CDC14B: variants seen among roughly 807,000 people sequenced by gnomAD.
CDC14B encodes the protein dual specificity protein phosphatase CDC14B.
A neutral mutation model predicts 64.2 loss-of-function variants in CDC14B; 22 were observed. The observed-to-expected ratio is 0.34, with a 90% CI of 0.24 to 0.49. CDC14B has a LOEUF of 0.49. Among genes scored for constraint, CDC14B ranks in the 20% least tolerant of loss-of-function variants. The probability of loss-of-function intolerance (pLI) is 0.99; values close to 1 mark genes in which losing one functional copy is unlikely to be tolerated. For missense variants in CDC14B, 498 were observed against 629.9 expected (o/e 0.79, Z 2.24); for synonymous variants, 191 against 215.8 (o/e 0.89, Z 1.01).
chr9:96,610,427 T>C (rs1367279432), intron 1 of CDC14B, among the ~76,000 whole-genome samples: 1 of 152,104 alleles, frequency 6.6e-6, no homozygotes, highest in Non-Finnish European at 1.5e-5. Context: ...CTTGATCTCC[T>C]GACCTCGTGA....
intron 1 of CDC14B, among the ~76,000 whole-genome samples, chr9:96,607,086 A>C (rs562073968): frequency 6.6e-6 from 1 of 152,148 alleles, no homozygotes; most frequent in East Asian, 1.9e-4. Context: ...CTTTGATTAA[A>C]AAAAACAAAA....
At position 96,523,328 on chromosome 9, in the gene CDC14B, A is replaced by C; in HGVS notation, c.1178T>G (p.Leu393Arg). 6.2e-7 allele frequency: 1 copy of C among 1,614,164 alleles called. No homozygotes were observed. The highest frequency in any genetic ancestry group is 1.1e-5 in the South Asian group (1 of 91,074). ...NGQHRAAFSK[L>R]LSGVDDISIN... ...GGAAATGTCATCAACGCCAGAGAGA[A>C]GTTTGGAGAAGGCTGCTCTGTGTTG... Residue 393 changes from leucine (L) to arginine (R), a missense_variant, in exon 11 of 14, where the codon CTT becomes CGT. Leu to Arg is a moderately radical substitution (Grantham distance 102). Coordinates refer to ENST00000375241, the MANE Select transcript of CDC14B (RefSeq NM_033331.4).
At chr9:96,610,297 C>G (rs1847232387) in intron 1 of CDC14B, among the ~76,000 whole-genome samples, 1 of 152,086 alleles carries the variant, frequency 6.6e-6, no homozygotes, top group Admixed American at 6.6e-5. Context: ...CCCAGGGGTT[C>G]ACGCCATTCT....
chr9:96,619,500 G>A lies in CDC14B; in HGVS notation c.-122C>T. ...GGCGGGCGCAGAGCGGCGCTGCGGGGACGGCGGGCGCCGGCAGAGCCCGGC... is the reference window on the plus strand; with the variant it reads ...GGCGGGCGCAGAGCGGCGCTGCGGGAACGGCGGGCGCCGGCAGAGCCCGGC... On this transcript the variant is annotated 5_prime_UTR_variant, in exon 1 of 14. Transcript: ENST00000375241. 2.6e-6 allele frequency: 1 copy of A among 380,762 alleles called. No homozygotes were observed. Among genetic ancestry groups the A allele is most frequent in the Non-Finnish European group, 3.6e-6 (1 of 280,568 alleles). 23.6% of individuals were successfully genotyped at this position (380,762 alleles called of 1,614,324 possible).
intron 3 of CDC14B, 66 bp from the exon 4 acceptor site, chr9:96,562,851 G>C: frequency 9.5e-7 from 1 of 1,054,070 alleles, no homozygotes; most frequent in Non-Finnish European, 1.5e-6. Context: ...ATTTCATTTT[G>C]TGATGAAGAT....
At chr9:96,529,020 A>G (rs868160274) in intron 9 of CDC14B, among the ~76,000 whole-genome samples, 1 of 152,134 alleles carries the variant, frequency 6.6e-6, no homozygotes, top group South Asian at 2.1e-4. Context: ...TGATTTGCAA[A>G]TATTTTCTCC....
At chr9:96,518,518 G>A (rs945094618) in intron 12 of CDC14B, among the ~76,000 whole-genome samples, 1 of 151,954 alleles carries the variant, frequency 6.6e-6, no homozygotes. Context: ...CTGTCTCGGG[G>A]AAAAAGAAAT....
chr9:96,619,221 G>A lies in CDC14B; in HGVS notation c.158C>T (p.Thr53Ile). The change falls in exon 1 of 14, where the codon ACC (threonine) becomes ATC (isoleucine). Residue 53 changes from threonine to isoleucine, a missense_variant and splice_region_variant. Transcript: ENST00000375241. ...DPQDDVYLDI[T>I]DRLCFAILYS... is the part of the protein sequence containing the mutation. The stretch of plus-strand genomic sequence containing the variant: ...CGCGCGCCCACTGGCCGGCTCACCG[G>A]TGATGTCCAGGTACACGTCGTCCTG... 7.6e-7 allele frequency: 1 copy of A among 1,319,078 alleles called. No individual in the cohort carries two copies. 81.7% of individuals were successfully genotyped at this position (1,319,078 alleles called of 1,614,324 possible).
intron 13 of CDC14B, among the ~76,000 whole-genome samples, chr9:96,509,422 T>C (rs1379951944): frequency 6.6e-6 from 1 of 152,206 alleles, no homozygotes; most frequent in Non-Finnish European, 1.5e-5. Flanking sequence ...AACTTAAAAC[T>C]TTCCCATATC....
At chr9:96,560,727 C>A (rs1206223947) in intron 4 of CDC14B, among the ~76,000 whole-genome samples, 1 of 150,118 alleles carries the variant, frequency 6.7e-6, no homozygotes, top group African/African-American at 2.5e-5. Context: ...GGATTACAGG[C>A]GCCTGCCACC....
chr9:96,546,491 C>A (rs903743300), intron 5 of CDC14B, among the ~76,000 whole-genome samples: 2 of 151,390 alleles, frequency 1.3e-5, no homozygotes, highest in African/African-American at 4.9e-5. Context: ...CTCTTGTCGC[C>A]CAGGCTGGAG....
At chr9:96,604,771 C>T (rs16905639) in intron 1 of CDC14B, among the ~76,000 whole-genome samples, 10 of 151,972 alleles carry the variant, frequency 6.6e-5, no homozygotes, top group African/African-American at 2.2e-4. Context: ...TGGGTTCAAG[C>T]GATTCTCCTG....
intron 1 of CDC14B, among the ~76,000 whole-genome samples, chr9:96,616,682 C>A (rs1432631651): frequency 6.6e-6 from 1 of 151,754 alleles, no homozygotes; most frequent in East Asian, 1.9e-4. Context: ...CGAGATTGAG[C>A]CACTGCACAC....
At chr9:96,571,204 TCTCGCTCTGTTGTCAGGCTGGAGTG>T (rs1844449319) in intron 1 of CDC14B, among the ~76,000 whole-genome samples, 2 of 148,928 alleles carry the variant, frequency 1.3e-5, no homozygotes, top group South Asian at 4.2e-4. Context: ...TGAGACGGAG[TCTCGCTCTGTTGTCAGGCTGGAGTG>T]CAGTGGCGCA....
rs1373404552 is a variant in CDC14B at position 96,494,807 on chromosome 9, G to GTCCCGTCCCA, written c.*80+1390_*80+1399dup. On this transcript the variant is annotated intron_variant and NMD_transcript_variant, in intron 13 of 13. Coordinates refer to the CDC14B transcript ENST00000474602. The stretch of plus-strand genomic sequence containing the variant: ...GTCCCCTCCCGTCCTGTCCAGTCTC[G>GTCCCGTCCCA]TCCCGTCCCATCCCGTCTCCCCTCC... Among the ~76,000 whole-genome samples the GTCCCGTCCCA allele has an allele frequency of 3.9e-3, 374 of 95,600 alleles. 4 individuals are homozygous for GTCCCGTCCCA. Among genetic ancestry groups the GTCCCGTCCCA allele is most frequent in the African/African-American group, 0.016 (361 of 22,904 alleles). The allele number at this position is 95,600 out of a possible 152,430, so 62.7% of individuals were successfully genotyped here.
chr9:96,557,820 C>G (rs1842681496), intron 4 of CDC14B, among the ~76,000 whole-genome samples: 1 of 152,142 alleles, frequency 6.6e-6, no homozygotes, highest in Admixed American at 6.5e-5. Context: ...CCAAAGTAAT[C>G]TATTAAACAT....
intron 13 of CDC14B, among the ~76,000 whole-genome samples, chr9:96,493,423 C>T (rs1041136041): frequency 1.2e-4 from 18 of 152,318 alleles, no homozygotes; most frequent in African/African-American, 4.3e-4. Flanking sequence ...TTTGGCCTGG[C>T]TGTGTCCCAC....
At chr9:96,504,546 T>C (rs1833873925) in intron 13 of CDC14B, among the ~76,000 whole-genome samples, 1 of 152,200 alleles carries the variant, frequency 6.6e-6, no homozygotes, top group African/African-American at 2.4e-5. Context: ...GAGTCAAAGA[T>C]CCAGACCAGC....
intron 12 of CDC14B, among the ~76,000 whole-genome samples, chr9:96,511,320 C>A (rs1206239008): frequency 1.3e-5 from 2 of 152,188 alleles, no homozygotes; most frequent in Non-Finnish European, 2.9e-5. Flanking sequence ...CACCTGTAAT[C>A]CTAGCACTTT....
Sources: gnomAD v4.1 joint callset for allele counts (sites outside exome capture counted in the v4.1 genomes callset) on GRCh38, gnomAD v4.1.1 for gene constraint, MANE v1.5 for transcripts, NCBI Gene and HGNC (gene_info 2026-07-23, HGNC 2026-07-21) for gene names.